PSG2: variants seen among roughly 807,000 people sequenced by gnomAD.
PSG2 encodes the protein pregnancy-specific beta-1-glycoprotein 2.
PSG2 carries 49 observed loss-of-function variants against 36.2 expected under a neutral mutation model. The observed-to-expected ratio is 1.35, with a 90% CI of 1.08 to 1.72. The LOEUF is 1.72. PSG2 is among the 40% of genes most tolerant of loss of function. The pLI, the probability that PSG2 is intolerant of heterozygous loss-of-function variation, is 0.00. For synonymous variants in PSG2, 261 were observed against 155.6 expected (o/e 1.68, Z -5.04); for missense variants, 605 against 407.2 (o/e 1.49, Z -4.18).
chr19:43,070,053 G>A (rs776245092), intron 4 of PSG2, among the ~76,000 whole-genome samples: 12 of 151,582 alleles, frequency 7.9e-5, no homozygotes, highest in Non-Finnish European at 4.4e-5. Context: ...CTCCAAGGAG[G>A]TTACACAAAT....
chr19:43,080,507 G>T (rs1967956100), intron 2 of PSG2, among the ~76,000 whole-genome samples: 2 of 151,670 alleles, frequency 1.3e-5, no homozygotes, highest in Admixed American at 1.3e-4. Context: ...GGTTTCTAGG[G>T]CTGAGCTTCT....
chr19:43,065,127 G>C (rs145610404), intron 5 of PSG2, among the ~76,000 whole-genome samples: 1 of 151,694 alleles, frequency 6.6e-6, no homozygotes, highest in African/African-American at 2.4e-5. Flanking sequence ...GAGCCATCGC[G>C]CTCAGCCTAG....
rs1432316932 is a variant in PSG2, at chr19:43,082,629, T to A, written c.-60A>T. ...ATGAGCCTAGGATCCAGAAACTTCC[T>A]GAGCACGGCTGTCAGCTGTGCTGTC... On this transcript the variant is annotated 5_prime_UTR_variant, in exon 1 of 6. Coordinates refer to ENST00000406487, the MANE Select transcript of PSG2 (RefSeq NM_031246.4). The A allele has an allele frequency of 1.6e-5, 25 of 1,592,834 alleles. No homozygotes were observed. Among genetic ancestry groups the A allele is most frequent in the African/African-American group, 2.7e-5 (2 of 73,542 alleles).
chr19:43,071,830 C>T lies in PSG2; in HGVS notation c.834G>A (p.Lys278=), dbSNP rs150568950. 4,011 of 1,613,166 alleles carry T rather than the reference C, an allele frequency of 2.5e-3. 48 individuals are homozygous for T. Among genetic ancestry groups the T allele is most frequent in the Middle Eastern group, 4.3e-3 (26 of 6,060 alleles). ...PAQYSWTING[K]FQQSGQNLFI... The stretch of plus-strand genomic sequence containing the variant: ...ACAGATTTTGTCCTGATTGCTGAAA[C>T]TTCCCATTAATTGTCCAAGAATACT... Residue 278 remains lysine (K), a synonymous_variant, in exon 4 of 6, where the codon AAG becomes AAA. Transcript: ENST00000406487.
At chr19:43,078,277 G>C (rs149438323) in intron 2 of PSG2, among the ~76,000 whole-genome samples, 2 of 151,610 alleles carry the variant, frequency 1.3e-5, no homozygotes, top group Non-Finnish European at 2.9e-5. Context: ...GCCCAGGGAC[G>C]GCCTTTGTCA....
intron 5 of PSG2, chr19:43,065,900 G>A (rs1029939046): frequency 1.1e-4 from 16 of 152,264 alleles, no homozygotes; most frequent in African/African-American, 3.9e-4. Context: ...TCTGTTTTTA[G>A]ACATAGCATT....
chr19:43,074,398 A>T (rs1397596088), intron 3 of PSG2, among the ~76,000 whole-genome samples: 1 of 151,774 alleles, frequency 6.6e-6, no homozygotes, highest in Non-Finnish European at 1.5e-5. Context: ...TTTTCAAGGT[A>T]TAATCATTTG....
In PSG2 at chr19:43,082,111, C is replaced by CTTT; in HGVS notation, c.64+392_64+394dup. On this transcript the variant is annotated intron_variant, in intron 1 of 5. Coordinates refer to ENST00000406487, the MANE Select transcript of PSG2 (RefSeq NM_031246.4). ...AACAGAGCCTTCTTTCCTTTTATTT[C>CTTT]TTTCTTCTCTCTTTTTTTTTTTTTT... 2.0e-5 allele frequency: 2 copies of CTTT among 98,906 alleles called. 1 individual carries two copies. The highest frequency in any genetic ancestry group is 8.2e-5 in the African/African-American group (2 of 24,244). 6.1% of individuals were successfully genotyped at this position (98,906 alleles called of 1,614,324 possible). A position where few individuals can be genotyped will look rare whatever the true frequency, so the allele number is the denominator to read the frequency against.
At chr19:43,071,652 T>C (rs368428763) in intron 4 of PSG2, 48 bp downstream of exon 4, 16 of 1,612,484 alleles carry the variant, frequency 9.9e-6, no homozygotes, top group Non-Finnish European at 1.4e-5. Context: ...GAAAGCCAGA[T>C]AGACTCCACC....
chr19:43,077,907 A>C (rs1199876811), intron 2 of PSG2, among the ~76,000 whole-genome samples: 1 of 151,656 alleles, frequency 6.6e-6, no homozygotes, highest in Non-Finnish European at 1.5e-5. Context: ...GAACCGAGTG[A>C]CAAATTCCAA....
At chr19:43,072,637 G>A (rs1253510774) in intron 3 of PSG2, 9 of 1,610,790 alleles carry the variant, frequency 5.6e-6, no homozygotes, top group Middle Eastern at 2.1e-4. Context: ...TCGCTGTGTG[G>A]ATAACAGAGA....
chr19:43,066,721 T>C, intron 4 of PSG2, 121 bp from the exon 5 acceptor site: 1 of 1,375,694 alleles, frequency 7.3e-7, no homozygotes, highest in Non-Finnish European at 1.0e-6. Context: ...CCACATTATT[T>C]CTCTTGGAAT....
At chr19:43,077,074 A>T (rs1967907447) in intron 2 of PSG2, among the ~76,000 whole-genome samples, 1 of 151,604 alleles carries the variant, frequency 6.6e-6, no homozygotes, top group Non-Finnish European at 1.5e-5. Context: ...TCTAGTAACA[A>T]AAAAAATTTG....
At chr19:43,070,532 C>A (rs912266376) in intron 4 of PSG2, among the ~76,000 whole-genome samples, 20 of 151,588 alleles carry the variant, frequency 1.3e-4, no homozygotes, top group Non-Finnish European at 1.6e-4. Context: ...GAATAAAATT[C>A]CAATACATCG....
intron 4 of PSG2, among the ~76,000 whole-genome samples, chr19:43,071,346 G>GA (rs35339469): frequency 1.3e-5 from 2 of 151,140 alleles, no homozygotes; most frequent in South Asian, 2.1e-4. Context: ...ATAGGTACAA[G>GA]AAAAAAAAGA....
Position 43,082,684 on chromosome 19 carries a change from G to T in PSG2, c.-115C>A. 1 of 1,477,924 alleles carries T rather than the reference G, an allele frequency of 6.8e-7. No individual in the cohort carries two copies. Among genetic ancestry groups the T allele is most frequent in the South Asian group, 1.3e-5 (1 of 78,560 alleles). The allele number at this position is 1,477,924 out of a possible 1,614,324, so 91.6% of individuals were successfully genotyped here. On this transcript the variant is annotated 5_prime_UTR_variant, in exon 1 of 6. Coordinates refer to ENST00000406487, the MANE Select transcript of PSG2 (RefSeq NM_031246.4). ...CTCCTTCTGCACTGAGCCTCTTCCT[G>T]GGGCAGCAGCAATTCCCAGGCTCAT...
chr19:43,064,924 G>A (rs546410097), intron 5 of PSG2, among the ~76,000 whole-genome samples: 14 of 151,774 alleles, frequency 9.2e-5, no homozygotes, highest in Admixed American at 2.0e-4. Flanking sequence ...CTCCGCCTCC[G>A]CGGTTCATGC....
intron 4 of PSG2, among the ~76,000 whole-genome samples, chr19:43,068,269 TA>T (rs561781894): frequency 0.011 from 1,588 of 151,088 alleles, 31 homozygotes; most frequent in Non-Finnish European, 0.012. Context: ...ACGCTGTGTG[TA>T]CAAAAAAATA....
chr19:43,080,468 A>C (rs1967955322), intron 2 of PSG2, among the ~76,000 whole-genome samples: 1 of 151,734 alleles, frequency 6.6e-6, no homozygotes, highest in Admixed American at 6.6e-5. Flanking sequence ...ATCTGGAGCA[A>C]GGATTTAGGG....
Sources: gnomAD v4.1 joint callset for allele counts (sites outside exome capture counted in the v4.1 genomes callset) on GRCh38, gnomAD v4.1.1 for gene constraint, MANE v1.5 for transcripts, NCBI Gene and HGNC (gene_info 2026-07-23, HGNC 2026-07-21) for gene names.